The following DMD variants were observed in gnomAD, a reference collection of about 807,000 sequenced individuals.
The protein encoded by DMD is mutant dystrophin.
In DMD, 63 loss-of-function variants were observed where a neutral mutation model predicts 330.1. That is an observed-to-expected ratio of 0.19 (90% CI 0.16 to 0.24). The LOEUF is 0.24. Among genes scored for constraint, DMD ranks in the 10% least tolerant of loss-of-function variants. The pLI, the probability that DMD is intolerant of heterozygous loss-of-function variation, is 1.00. For missense variants in DMD, 3,344 were observed against 2,684.1 expected (o/e 1.25, Z -5.43); for synonymous variants, 1,223 against 959.8 (o/e 1.27, Z -5.07).
chrX:32,264,057 G>A (rs1295587861), intron 43 of DMD, among the ~76,000 whole-genome samples: 12 of 111,407 alleles, frequency 1.1e-4, no homozygotes, highest in Non-Finnish European at 1.5e-4. Context: ...CCCAAATCCC[G>A]TCTTGAATTG....
At chrX:31,503,161 A>C (rs1044264939) in intron 56 of DMD, among the ~76,000 whole-genome samples, 14 of 112,429 alleles carry the variant, frequency 1.2e-4, no homozygotes, top group African/African-American at 4.5e-4. Flanking sequence ...TCTCTCAAAG[A>C]CATCTTAATT....
At position 33,162,704 on chromosome X, in the gene DMD, G is replaced by T. The variant is rs1475748571; in HGVS notation, c.31+48578C>A. ...TGAGAGCCATAGCCCAAAAGCTAAAGGCTGTTCTATGTTGAATTATCAAAG... is the reference window on the plus strand; with the variant it reads ...TGAGAGCCATAGCCCAAAAGCTAAATGCTGTTCTATGTTGAATTATCAAAG... On this transcript the variant is annotated intron_variant, in intron 1 of 78. Transcript: ENST00000357033. 3.6e-5 allele frequency among the ~76,000 whole-genome samples: 4 copies of T among 110,590 alleles called. No homozygotes were observed. In the East Asian group the frequency reaches 1.1e-3, roughly 31 times the overall value.
At chrX:33,063,071 A>C (rs56365385) in intron 1 of DMD, among the ~76,000 whole-genome samples, 466 of 112,234 alleles carry the variant, frequency 4.2e-3, no homozygotes, top group Middle Eastern at 9.3e-3. Flanking sequence ...TAGAATATAT[A>C]CTGTTATAAG....
At chrX:31,423,272 T>A (rs1035082010) in intron 60 of DMD, among the ~76,000 whole-genome samples, 2 of 111,797 alleles carry the variant, frequency 1.8e-5, no homozygotes, top group Non-Finnish European at 1.9e-5. Flanking sequence ...AATAAAATGA[T>A]AATTTTTTTG....
intron 16 of DMD, among the ~76,000 whole-genome samples, chrX:32,556,954 T>A (rs771927724): frequency 3.0e-4 from 34 of 111,802 alleles, no homozygotes; most frequent in Admixed American, 2.9e-3. Flanking sequence ...ATACTTGCAA[T>A]AACAGGTACC....
intron 1 of DMD, among the ~76,000 whole-genome samples, chrX:33,096,941 T>G (rs1053587924): frequency 8.9e-6 from 1 of 112,573 alleles, no homozygotes; most frequent in African/African-American, 3.2e-5. Context: ...GAATGATTCA[T>G]AAGCAAATTA....
At chrX:32,118,095 A>G (rs1218705748) in intron 44 of DMD, among the ~76,000 whole-genome samples, 1 of 111,890 alleles carries the variant, frequency 8.9e-6, no homozygotes, top group South Asian at 3.8e-4. Flanking sequence ...CCTCTCCTAC[A>G]TTCAAAGGTT....
Position 33,009,170 on chromosome X carries a change from A to G in DMD, c.93+10969T>C, listed in dbSNP as rs1280233480. Among the ~76,000 whole-genome samples, 15 of 37,746 alleles carry G rather than the reference A, an allele frequency of 4.0e-4. 2 individuals are homozygous for G. The highest frequency in any genetic ancestry group is 1.2e-3 in the Admixed American group (4 of 3,303). The allele number at this position is 37,746 out of a possible 115,157, so 32.8% of individuals were successfully genotyped here. ...TATATATACGTATATATGTATATATATGTGTATATATACGTATATATGTAT... is the reference window on the plus strand; with the variant it reads ...TATATATACGTATATATGTATATATGTGTGTATATATACGTATATATGTAT... On this transcript the variant is annotated intron_variant, in intron 2 of 78. Coordinates refer to ENST00000357033, the MANE Select transcript of DMD (RefSeq NM_004006.3).
intron 55 of DMD, among the ~76,000 whole-genome samples, chrX:31,554,585 G>A (rs964094561): frequency 1.8e-5 from 2 of 111,346 alleles, no homozygotes; most frequent in Non-Finnish European, 3.8e-5. Flanking sequence ...CCCACACAAG[G>A]TCATACATAA....
At chrX:33,282,914 G>A (rs2053358922) in intron 1 of DMD, among the ~76,000 whole-genome samples, 1 of 111,882 alleles carries the variant, frequency 8.9e-6, no homozygotes, top group Non-Finnish European at 1.9e-5. Context: ...CTAGCGCGAG[G>A]CTCTCAAAGC....
intron 2 of DMD, among the ~76,000 whole-genome samples, chrX:32,963,663 T>G (rs2091994805): frequency 8.9e-6 from 1 of 112,293 alleles, no homozygotes; most frequent in Non-Finnish European, 1.9e-5. Flanking sequence ...TGTTAATTAC[T>G]AAGTAAAGTT....
chrX:32,147,603 G>A (rs763105893), intron 44 of DMD, among the ~76,000 whole-genome samples: 1 of 111,228 alleles, frequency 9.0e-6, no homozygotes, highest in East Asian at 2.8e-4. Flanking sequence ...GCTGTGTACG[G>A]TACATTGTGA....
chrX:32,097,734 A>G (rs766688764), intron 44 of DMD, among the ~76,000 whole-genome samples: 64 of 111,946 alleles, frequency 5.7e-4, no homozygotes, highest in Admixed American at 1.1e-3. Flanking sequence ...TTACTATATC[A>G]TAGCATTTAA....
chrX:32,187,318 G>A (rs1277597454), intron 44 of DMD, among the ~76,000 whole-genome samples: 1 of 110,973 alleles, frequency 9.0e-6, no homozygotes, highest in Admixed American at 9.6e-5. Context: ...GAAAAATGAA[G>A]GGACAAGAGT....
At chrX:31,638,090 C>A (rs754256490) in intron 54 of DMD, among the ~76,000 whole-genome samples, 2 of 111,669 alleles carry the variant, frequency 1.8e-5, no homozygotes, top group East Asian at 5.6e-4. Flanking sequence ...TCTGAATTTT[C>A]AAAATGAGTG....
intron 7 of DMD, among the ~76,000 whole-genome samples, chrX:32,796,455 G>A (rs1320889724): frequency 9.0e-6 from 1 of 111,189 alleles, no homozygotes; most frequent in South Asian, 3.8e-4. Context: ...CCAGAGGCTA[G>A]GAAGGGTAGG....
At chrX:32,664,710 T>C (rs766379596) in intron 9 of DMD, among the ~76,000 whole-genome samples, 1 of 111,993 alleles carries the variant, frequency 8.9e-6, no homozygotes, top group South Asian at 3.7e-4. Context: ...TAGTTTTACA[T>C]AGGGTAAATT....
At chrX:33,168,032 G>A (rs1484133034) in intron 1 of DMD, among the ~76,000 whole-genome samples, 1 of 110,921 alleles carries the variant, frequency 9.0e-6, no homozygotes, top group East Asian at 2.8e-4. Flanking sequence ...TTTCTATTTT[G>A]TAATGTCAAA....
intron 2 of DMD, among the ~76,000 whole-genome samples, chrX:32,863,023 C>A (rs1004038417): frequency 1.8e-5 from 2 of 110,821 alleles, no homozygotes; most frequent in Non-Finnish European, 3.8e-5. Flanking sequence ...CAGGCATGAG[C>A]CACTGCACCA....
Sources: allele counts gnomAD v4.1 joint callset (sites outside exome capture counted in the v4.1 genomes callset), GRCh38; gene constraint gnomAD v4.1.1; transcripts MANE v1.5; gene names NCBI Gene and HGNC (gene_info 2026-07-23, HGNC 2026-07-21).